NCKAP5: variants seen among roughly 807,000 people sequenced by gnomAD.
The protein encoded by NCKAP5 is NCK associated protein 5.
NCKAP5 carries 92 observed loss-of-function variants against 167.0 expected under a neutral mutation model. The observed-to-expected ratio is 0.55, with a 90% CI of 0.47 to 0.66. The LOEUF is 0.66. Among genes scored for constraint, NCKAP5 ranks in the 30% least tolerant of loss-of-function variants. The pLI, the probability that NCKAP5 is intolerant of heterozygous loss-of-function variation, is 0.00. For missense variants in NCKAP5, 2,378 were observed against 2,315.0 expected (o/e 1.03, Z -0.56); for synonymous variants, 891 against 877.4 (o/e 1.02, Z -0.27).
At chr2:133,162,351 T>C (rs1180815444) in intron 5 of NCKAP5, among the ~76,000 whole-genome samples, 1 of 152,234 alleles carries the variant, frequency 6.6e-6, no homozygotes, top group Admixed American at 6.5e-5. Context: ...GAAAAACATT[T>C]TGAATTTAAA....
chr2:133,362,015 A>G (rs1420917895), intron 3 of NCKAP5, among the ~76,000 whole-genome samples: 2 of 152,164 alleles, frequency 1.3e-5, no homozygotes, highest in African/African-American at 4.8e-5. Context: ...AAAAAATGAA[A>G]AAAAAAACAG....
At chr2:133,188,048 G>A (rs1019112975) in intron 5 of NCKAP5, among the ~76,000 whole-genome samples, 1 of 152,056 alleles carries the variant, frequency 6.6e-6, no homozygotes, top group Non-Finnish European at 1.5e-5. Flanking sequence ...CTAGTTAGCT[G>A]ATGCAGTTTC....
chr2:133,295,865 T>C (rs529834543), intron 4 of NCKAP5, among the ~76,000 whole-genome samples: 1 of 152,338 alleles, frequency 6.6e-6, no homozygotes, highest in Admixed American at 6.5e-5. Context: ...ATTCAGATTT[T>C]GTCATTTGAT....
intron 6 of NCKAP5, among the ~76,000 whole-genome samples, chr2:133,071,913 C>A (rs1301044826): frequency 6.6e-6 from 1 of 152,100 alleles, no homozygotes; most frequent in Non-Finnish European, 1.5e-5. Flanking sequence ...TTCACAAGCT[C>A]TGCCATAGTG....
the NCKAP5 span, among the ~76,000 whole-genome samples, chr2:133,602,593 T>C: frequency 7.2e-5 from 11 of 152,326 alleles, no homozygotes; most frequent in East Asian, 1.7e-3. Flanking sequence ...GCATTTTCCA[T>C]GAAGGGCCAG....
chr2:133,210,214 G>A lies in NCKAP5; in HGVS notation c.207+3502C>T, dbSNP rs200142203. 6.6e-3 allele frequency among the ~76,000 whole-genome samples: 398 copies of A among 60,364 alleles called. 4 individuals carry two copies. Among genetic ancestry groups the A allele is most frequent in the African/African-American group, 0.037 (383 of 10,288 alleles). The allele number at this position is 60,364 out of a possible 152,430, so 39.6% of individuals were successfully genotyped here. A position where few individuals can be genotyped will look rare whatever the true frequency, so the allele number is the denominator to read the frequency against. ...ATAATATAACATAATATAATGTAAT[G>A]TAATGTAAAATAAATCTCTCAAAAT... On this transcript the variant is annotated intron_variant, in intron 5 of 19. Coordinates refer to ENST00000409261, the MANE Select transcript of NCKAP5 (RefSeq NM_207363.3).
At chr2:132,810,989 T>G (rs1685819809) in intron 11 of NCKAP5, among the ~76,000 whole-genome samples, 1 of 152,190 alleles carries the variant, frequency 6.6e-6, no homozygotes, top group African/African-American at 2.4e-5. Context: ...CTCTCCCCCT[T>G]TTCCTATGGA....
intron 8 of NCKAP5, among the ~76,000 whole-genome samples, chr2:132,923,618 G>A (rs1016348334): frequency 6.6e-6 from 1 of 152,024 alleles, no homozygotes; most frequent in African/African-American, 2.4e-5. Context: ...GCTCTTTACA[G>A]AGAATAAAAG....
intron 6 of NCKAP5, among the ~76,000 whole-genome samples, chr2:133,026,147 T>C (rs1240051712): frequency 2.6e-5 from 4 of 152,158 alleles, no homozygotes; most frequent in African/African-American, 9.7e-5. Context: ...ATATTTACTT[T>C]TGAGAAGTGT....
At chr2:132,775,823 T>G (rs1052939596) in intron 15 of NCKAP5, among the ~76,000 whole-genome samples, 1 of 152,214 alleles carries the variant, frequency 6.6e-6, no homozygotes, top group Non-Finnish European at 1.5e-5. Context: ...TCAGCTCTTA[T>G]GGCAATATGT....
chr2:132,961,581 T>C (rs141823929), intron 8 of NCKAP5, among the ~76,000 whole-genome samples: 48 of 152,296 alleles, frequency 3.2e-4, no homozygotes, highest in Non-Finnish European at 5.0e-4. Context: ...ATATCATCTA[T>C]TGCATTCAAC....
At chr2:132,851,589 A>G (rs1689084215) in intron 11 of NCKAP5, among the ~76,000 whole-genome samples, 1 of 152,100 alleles carries the variant, frequency 6.6e-6, no homozygotes, top group Admixed American at 6.5e-5. Flanking sequence ...TCTCTTCCCA[A>G]GGAGGCTCAG....
chr2:133,052,922 A>C (rs2079655321), intron 6 of NCKAP5, among the ~76,000 whole-genome samples: 1 of 152,202 alleles, frequency 6.6e-6, no homozygotes, highest in South Asian at 2.1e-4. Context: ...CTAAGAAAGC[A>C]GTAATTAAAC....
chr2:133,132,516 C>CAA (rs1553546863), intron 5 of NCKAP5, among the ~76,000 whole-genome samples: 4,171 of 146,330 alleles, frequency 0.029, 73 homozygotes, highest in Middle Eastern at 0.07. Context: ...CACACACACA[C>CAA]AAACCCTGAT....
chr2:132,883,659 T>C (rs1413185810), intron 8 of NCKAP5, among the ~76,000 whole-genome samples: 1 of 152,224 alleles, frequency 6.6e-6, no homozygotes, highest in Non-Finnish European at 1.5e-5. Context: ...GTGCTGGCCT[T>C]GGGCTTTCTC....
chr2:132,808,565 C>A (rs77482984), intron 11 of NCKAP5, among the ~76,000 whole-genome samples: 1 of 151,916 alleles, frequency 6.6e-6, no homozygotes, highest in South Asian at 2.1e-4. Flanking sequence ...TTTACAGCAG[C>A]CTTAATTGAT....
chr2:132,899,797 C>T (rs182130939), intron 8 of NCKAP5, among the ~76,000 whole-genome samples: 5 of 152,262 alleles, frequency 3.3e-5, no homozygotes, highest in Admixed American at 1.3e-4. Context: ...ATCGCTTGAA[C>T]CCAGGAGATG....
At chr2:132,866,923 G>A (rs1019669202) in intron 10 of NCKAP5, among the ~76,000 whole-genome samples, 1 of 152,026 alleles carries the variant, frequency 6.6e-6, no homozygotes, top group African/African-American at 2.4e-5. Flanking sequence ...ATTTTACAGT[G>A]CCCATAAAAA....
intron 4 of NCKAP5, among the ~76,000 whole-genome samples, chr2:133,242,770 G>A (rs770069726): frequency 5.3e-5 from 8 of 152,188 alleles, no homozygotes; most frequent in African/African-American, 9.7e-5. Flanking sequence ...TGACAAACAT[G>A]TAAACAATAA....
Sources: gnomAD v4.1 joint callset for allele counts (sites outside exome capture counted in the v4.1 genomes callset) on GRCh38, gnomAD v4.1.1 for gene constraint, MANE v1.5 for transcripts, NCBI Gene and HGNC (gene_info 2026-07-23, HGNC 2026-07-21) for gene names.